ZNRF3: variants seen among roughly 807,000 people sequenced by gnomAD.
The protein encoded by ZNRF3 is zinc and ring finger 3.
In ZNRF3, 23 loss-of-function variants were observed where a neutral mutation model predicts 72.5. The observed-to-expected ratio is 0.32, with a 90% CI of 0.23 to 0.45. The LOEUF (loss-of-function observed/expected upper bound fraction) is 0.45. ZNRF3 is among the 20% of genes least tolerant of loss of function. The probability of loss-of-function intolerance (pLI) is 1.00; values close to 1 mark genes in which losing one functional copy is unlikely to be tolerated. For missense variants in ZNRF3, 1,169 were observed against 1,272.1 expected (o/e 0.92, Z 1.23); for synonymous variants, 610 against 545.3 (o/e 1.12, Z -1.65).
intron 1 of ZNRF3, among the ~76,000 whole-genome samples, chr22:28,891,688 A>C (rs1055487994): frequency 6.6e-6 from 1 of 152,208 alleles, no homozygotes; most frequent in African/African-American, 2.4e-5. Flanking sequence ...ACACTTTCTT[A>C]TGATGAGGTT....
At chr22:28,886,427 C>T (rs974438204) in intron 1 of ZNRF3, among the ~76,000 whole-genome samples, 2 of 152,184 alleles carry the variant, frequency 1.3e-5, no homozygotes, top group African/African-American at 4.8e-5. Context: ...TCAAAACCTC[C>T]TTTTATTTAC....
chr22:28,897,618 C>T (rs763130139), intron 1 of ZNRF3, among the ~76,000 whole-genome samples: 12 of 152,252 alleles, frequency 7.9e-5, no homozygotes, highest in Non-Finnish European at 1.8e-4. Context: ...CCGCACCTGG[C>T]CTGTGCCTTT....
At chr22:28,968,489 C>T (rs1258394167) in intron 1 of ZNRF3, among the ~76,000 whole-genome samples, 1 of 151,948 alleles carries the variant, frequency 6.6e-6, no homozygotes, top group Non-Finnish European at 1.5e-5. Context: ...GCGGGTGGAT[C>T]ACCTGAGGTT....
Position 29,042,578 on chromosome 22 carries a change from C to T in ZNRF3, c.501+9C>T, listed in dbSNP as rs776652136. On this transcript the variant is annotated intron_variant, in intron 3 of 8. Coordinates refer to ENST00000544604, the MANE Select transcript of ZNRF3 (RefSeq NM_001206998.2). ...CAGAAGCTATTGATCAGGTAAGCTCCTCAGGCCATGCCAACACTGCAGCCT... is the reference window on the plus strand; with the variant it reads ...CAGAAGCTATTGATCAGGTAAGCTCTTCAGGCCATGCCAACACTGCAGCCT... 8 of 1,612,760 alleles carry T rather than the reference C, an allele frequency of 5.0e-6. No individual in the cohort carries two copies. The highest frequency in any genetic ancestry group is 5.9e-6 in the Non-Finnish European group (7 of 1,179,842).
At chr22:28,930,664 A>G (rs1035167239) in intron 1 of ZNRF3, among the ~76,000 whole-genome samples, 2 of 152,200 alleles carry the variant, frequency 1.3e-5, no homozygotes, top group African/African-American at 4.8e-5. Context: ...GCCTTTATAA[A>G]TGTTCCATGG....
At chr22:29,015,515 C>T (rs892902110) in intron 2 of ZNRF3, among the ~76,000 whole-genome samples, 2 of 151,644 alleles carry the variant, frequency 1.3e-5, no homozygotes, top group African/African-American at 4.8e-5. Context: ...ACTAAAAATA[C>T]AAAAATTACC....
At chr22:28,958,937 C>T (rs1240747932) in intron 1 of ZNRF3, among the ~76,000 whole-genome samples, 1 of 152,220 alleles carries the variant, frequency 6.6e-6, no homozygotes, top group Non-Finnish European at 1.5e-5. Context: ...CTCACTTCAT[C>T]AGCAGAGAAG....
intron 1 of ZNRF3, among the ~76,000 whole-genome samples, chr22:28,964,244 T>G (rs1477849042): frequency 6.6e-6 from 1 of 152,216 alleles, no homozygotes; most frequent in East Asian, 1.9e-4. Context: ...AAGTCCATGT[T>G]GTATGAATGT....
chr22:28,926,545 C>T (rs1018156238), intron 1 of ZNRF3, among the ~76,000 whole-genome samples: 2 of 151,238 alleles, frequency 1.3e-5, no homozygotes, highest in African/African-American at 4.9e-5. Flanking sequence ...TGGTGGCGCA[C>T]ACCTGTAATC....
At chr22:29,017,311 G>T (rs2036454466) in intron 2 of ZNRF3, among the ~76,000 whole-genome samples, 1 of 152,160 alleles carries the variant, frequency 6.6e-6, no homozygotes, top group African/African-American at 2.4e-5. Context: ...CCCCCATCAG[G>T]CAGGTGTACA....
At chr22:28,904,156 C>T (rs980289782) in intron 1 of ZNRF3, among the ~76,000 whole-genome samples, 12 of 152,174 alleles carry the variant, frequency 7.9e-5, no homozygotes, top group Non-Finnish European at 7.4e-5. Flanking sequence ...ACCTTGGCTC[C>T]TCTTCACTCG....
At chr22:28,963,013 G>C (rs935011846) in intron 1 of ZNRF3, among the ~76,000 whole-genome samples, 1 of 152,234 alleles carries the variant, frequency 6.6e-6, no homozygotes, top group Non-Finnish European at 1.5e-5. Flanking sequence ...TAAGACTGTT[G>C]AATGGAAGGT....
At chr22:28,959,256 G>A (rs2035314020) in intron 1 of ZNRF3, among the ~76,000 whole-genome samples, 1 of 152,212 alleles carries the variant, frequency 6.6e-6, no homozygotes, top group Non-Finnish European at 1.5e-5. Flanking sequence ...GAACCCAGGT[G>A]GGTAGGTGAA....
chr22:29,015,472 C>T (rs1204789073), intron 2 of ZNRF3, among the ~76,000 whole-genome samples: 1 of 151,780 alleles, frequency 6.6e-6, no homozygotes, highest in Non-Finnish European at 1.5e-5. Flanking sequence ...GAGTTCAAGA[C>T]CAGCCTGGCC....
Position 29,048,258 on chromosome 22 carries a change from T to C in ZNRF3, c.913-131T>C, listed in dbSNP as rs1601711278. ...CTGCTTCTAGGGAATTGAGCCCTAA[T>C]TGGAGGTGGGGAGGAGAGTAGGGAA... On this transcript the variant is annotated intron_variant, in intron 6 of 8. Transcript: ENST00000544604. The surrounding 1 kb of genome is among the most constrained non-coding windows in gnomAD (Gnocchi z 4.9). 1.6e-6 allele frequency: 1 copy of C among 640,222 alleles called. No homozygotes were observed. The highest frequency in any genetic ancestry group is 2.9e-5 in the East Asian group (1 of 34,648). The allele number at this position is 640,222 out of a possible 1,614,324, so 39.7% of individuals were successfully genotyped here.
At chr22:28,892,048 TA>T (rs759711225) in intron 1 of ZNRF3, among the ~76,000 whole-genome samples, 2 of 152,216 alleles carry the variant, frequency 1.3e-5, no homozygotes, top group African/African-American at 2.4e-5. Flanking sequence ...GGCTGACTTT[TA>T]TAGCAATTTG....
chr22:28,954,710 C>G (rs2035225171), intron 1 of ZNRF3, among the ~76,000 whole-genome samples: 1 of 152,110 alleles, frequency 6.6e-6, no homozygotes, highest in African/African-American at 2.4e-5. Flanking sequence ...TCACCACAGC[C>G]TCTACCTCCT....
rs890131848 is a variant in ZNRF3, at chr22:29,030,507, T to TA, written c.427-11984dup. Among the ~76,000 whole-genome samples the TA allele has an allele frequency of 2.0e-5, 3 of 152,202 alleles. No individual in the cohort carries two copies. Among genetic ancestry groups the TA allele is most frequent in the African/African-American group, 7.2e-5 (3 of 41,452 alleles). On this transcript the variant is annotated intron_variant, in intron 2 of 8. Coordinates refer to ENST00000544604, the MANE Select transcript of ZNRF3 (RefSeq NM_001206998.2). The surrounding 1 kb of genome is among the most constrained non-coding windows in gnomAD (Gnocchi z 4.2). The stretch of plus-strand genomic sequence containing the variant: ...GATCAGCATAATCTTAACTAGGACT[T>TA]AAAATGCATCATCTTCGTTCCGGAA...
intron 1 of ZNRF3, among the ~76,000 whole-genome samples, chr22:28,926,750 G>A (rs2034609153): frequency 6.9e-6 from 1 of 145,180 alleles, no homozygotes; most frequent in Non-Finnish European, 1.5e-5. Context: ...AGTGAGCCAA[G>A]ATTGCACCAC....
Sources: gnomAD v4.1 joint callset for allele counts (sites outside exome capture counted in the v4.1 genomes callset) on GRCh38, gnomAD v4.1.1 for gene constraint, Gnocchi (gnomAD v3.1) non-coding constraint, MANE v1.5 for transcripts, NCBI Gene and HGNC (gene_info 2026-07-23, HGNC 2026-07-21) for gene names.